Variants in NFIB observed in about 807,000 individuals in gnomAD.
NFIB encodes nuclear factor I B.
Under a neutral mutation model 61.5 loss-of-function variants are expected in NFIB, and 11 were observed. The ratio of observed to expected loss-of-function variants is 0.18; its 90% CI spans 0.11 to 0.30. NFIB has a LOEUF of 0.30. Ranked by LOEUF, NFIB falls within the 10% of genes least tolerant of loss-of-function variation. The pLI is 1.00. For synonymous variants in NFIB, 260 were observed against 216.5 expected (o/e 1.20, Z -1.76); for missense variants, 471 against 608.9 (o/e 0.77, Z 2.38).
At chr9:14,199,183 GACTTGAGGTT>G (rs2048754740) in intron 2 of NFIB, among the ~76,000 whole-genome samples, 1 of 152,248 alleles carries the variant, frequency 6.6e-6, no homozygotes, top group Non-Finnish European at 1.5e-5. Flanking sequence ...TGGCATAGGT[GACTTGAGGTT>G]ACTTGACCTT....
intron 2 of NFIB, among the ~76,000 whole-genome samples, chr9:14,286,787 A>C (rs1489965983): frequency 6.6e-6 from 1 of 151,114 alleles, no homozygotes; most frequent in Non-Finnish European, 1.5e-5. Context: ...TGAATGAATA[A>C]GCCGCTTCAC....
chr9:14,171,043 G>A (rs1016757748), intron 3 of NFIB, among the ~76,000 whole-genome samples: 1 of 152,140 alleles, frequency 6.6e-6, no homozygotes, highest in Non-Finnish European at 1.5e-5. Context: ...GCCCATGAAC[G>A]AGTCCTTTCT....
At chr9:14,175,227 G>A (rs1381238566) in intron 3 of NFIB, among the ~76,000 whole-genome samples, 2 of 142,050 alleles carry the variant, frequency 1.4e-5, no homozygotes, top group Non-Finnish European at 3.0e-5. Flanking sequence ...TGGCTGGAGT[G>A]CAGTGGTGCG....
intron 6 of NFIB, among the ~76,000 whole-genome samples, chr9:14,143,905 T>A (rs2042011922): frequency 6.6e-6 from 1 of 152,076 alleles, no homozygotes; most frequent in Admixed American, 6.6e-5. Context: ...CTGCCCGCAT[T>A]TCTTCATTGT....
At chr9:14,341,813 G>A (rs752373907) in intron 1 of NFIB, among the ~76,000 whole-genome samples, 8 of 152,072 alleles carry the variant, frequency 5.3e-5, no homozygotes, top group Non-Finnish European at 1.2e-4. Context: ...AGAAAGAGAG[G>A]GAATCTCAGC....
intron 8 of NFIB, among the ~76,000 whole-genome samples, chr9:14,119,996 A>G (rs2038718532): frequency 6.6e-6 from 1 of 152,250 alleles, no homozygotes; most frequent in Admixed American, 6.5e-5. Context: ...GAATGTTTAC[A>G]TTACCAAAGC....
intron 6 of NFIB, among the ~76,000 whole-genome samples, chr9:14,140,372 C>T (rs921085168): frequency 6.6e-6 from 1 of 152,132 alleles, no homozygotes; most frequent in African/African-American, 2.4e-5. Context: ...TGGACTAGAG[C>T]ACTGTGTTCC....
At chr9:14,316,469 C>T (rs2060543294), upstream of NFIB, among the ~76,000 whole-genome samples, 4 of 152,264 alleles carry the variant, frequency 2.6e-5, no homozygotes, top group Admixed American at 2.6e-4. Context: ...GGAGCGGCCT[C>T]CCTGCGGTCC....
chr9:14,283,558 C>A (rs2058518062), intron 2 of NFIB, among the ~76,000 whole-genome samples: 1 of 152,210 alleles, frequency 6.6e-6, no homozygotes, highest in Non-Finnish European at 1.5e-5. Context: ...CAATGGACTC[C>A]TCTTTCAGGG....
intron 2 of NFIB, among the ~76,000 whole-genome samples, chr9:14,189,583 C>G (rs1198838266): frequency 7.5e-6 from 1 of 134,012 alleles, no homozygotes. Context: ...TTAATTAGTA[C>G]TCCTCCTCCC....
chr9:14,363,770 A>G (rs56105232), intron 1 of NFIB, among the ~76,000 whole-genome samples: 21,273 of 152,104 alleles, frequency 0.14, 2,644 homozygotes, highest in African/African-American at 0.34. Flanking sequence ...TTAACTTTTC[A>G]CTTATTTTAC....
intron 1 of NFIB, among the ~76,000 whole-genome samples, chr9:14,350,296 G>A (rs910458947): frequency 6.6e-6 from 1 of 152,234 alleles, no homozygotes; most frequent in African/African-American, 2.4e-5. Context: ...AGGGCAGCCT[G>A]CGAAAGTGAC....
In NFIB at chr9:14,084,830, A is replaced by T. The variant is rs915588556; in HGVS notation, c.*3479T>A. 1 of 228,056 alleles carries T rather than the reference A, an allele frequency of 4.4e-6. No homozygotes were observed. The highest frequency in any genetic ancestry group is 8.7e-6 in the Non-Finnish European group (1 of 115,270). 14.1% of individuals were successfully genotyped at this position (228,056 alleles called of 1,614,324 possible). A position where few individuals can be genotyped will look rare whatever the true frequency, so the allele number is the denominator to read the frequency against. The stretch of plus-strand genomic sequence containing the variant: ...TTATATATATAGTAGTACTTTTAAT[A>T]GTTTTATCTCAAAAAGGAAAGAAGA... On this transcript the variant is annotated 3_prime_UTR_variant, in exon 11 of 11. Coordinates refer to ENST00000380953, the MANE Select transcript of NFIB (RefSeq NM_001190737.2).
At chr9:14,139,758 T>C (rs1319591681) in intron 6 of NFIB, among the ~76,000 whole-genome samples, 1 of 152,162 alleles carries the variant, frequency 6.6e-6, no homozygotes, top group Non-Finnish European at 1.5e-5. Flanking sequence ...TAGGAGGCAA[T>C]GTGGGGAATT....
At chr9:14,424,238 T>C in the NFIB span, among the ~76,000 whole-genome samples, 2 of 152,208 alleles carry the variant, frequency 1.3e-5, no homozygotes, top group Admixed American at 6.5e-5. Context: ...CACTCATCTT[T>C]TCTCCCTTAC....
the NFIB span, among the ~76,000 whole-genome samples, chr9:14,439,848 G>T: frequency 5.3e-5 from 8 of 152,220 alleles, no homozygotes; most frequent in Non-Finnish European, 7.3e-5. Flanking sequence ...CCCCCGAGGC[G>T]GAAGCCGTTT....
the NFIB span, among the ~76,000 whole-genome samples, chr9:14,443,842 A>G: frequency 2.6e-5 from 4 of 152,206 alleles, no homozygotes; most frequent in Admixed American, 6.5e-5. Flanking sequence ...TGCTGAGCAT[A>G]CTGTCTACCT....
rs187476929 is a variant in NFIB, at chr9:14,240,266, T to C, written c.563-60486A>G. Reference sequence around the variant, plus strand: ...CCATCTCTCCCTCTCTCCCTCTCTCTTTCTCTCCCTCTCTCTCAATAGATA... The same window carrying C: ...CCATCTCTCCCTCTCTCCCTCTCTCCTTCTCTCCCTCTCTCTCAATAGATA... On this transcript the variant is annotated intron_variant, in intron 2 of 10. Coordinates refer to ENST00000380953, the MANE Select transcript of NFIB (RefSeq NM_001190737.2). Among the ~76,000 whole-genome samples, 278 of 151,898 alleles carry C rather than the reference T, an allele frequency of 1.8e-3. 3 individuals are homozygous for C. The East Asian group carries it at 0.045, about 24-fold the overall frequency.
chr9:14,315,075 A>T (rs1588290813), upstream of NFIB, among the ~76,000 whole-genome samples: 2 of 151,826 alleles, frequency 1.3e-5, no homozygotes, highest in East Asian at 2.0e-4. Context: ...GGCTGCCGGG[A>T]AAAGGGGGAG....
Sources: gnomAD v4.1 joint callset for allele counts (sites outside exome capture counted in the v4.1 genomes callset) on GRCh38, gnomAD v4.1.1 for gene constraint, MANE v1.5 for transcripts, NCBI Gene and HGNC (gene_info 2026-07-23, HGNC 2026-07-21) for gene names.